TDRD12: variants seen among roughly 807,000 people sequenced by gnomAD.
TDRD12 encodes tudor domain containing 12.
In TDRD12, 158 loss-of-function variants were observed where a neutral mutation model predicts 133.5. The observed-to-expected ratio is 1.18, with a 90% CI of 1.04 to 1.35. The LOEUF (loss-of-function observed/expected upper bound fraction) is 1.35, where lower values mean the gene tolerates loss of function less well. Among genes scored for constraint, TDRD12 ranks in the 40% most tolerant of loss-of-function variants. TDRD12 has a pLI of 0.00. For missense variants in TDRD12, 1,443 were observed against 1,321.3 expected (o/e 1.09, Z -1.43); for synonymous variants, 460 against 477.9 (o/e 0.96, Z 0.49).
At chr19:32,811,947 G>A (rs537064626) in intron 24 of TDRD12, among the ~76,000 whole-genome samples, 35 of 152,344 alleles carry the variant, frequency 2.3e-4, no homozygotes, top group East Asian at 7.7e-4. Context: ...CACAATGGGC[G>A]GTCCCAGGAG....
intron 8 of TDRD12, among the ~76,000 whole-genome samples, chr19:32,768,217 A>G (rs192110259): frequency 2.0e-4 from 31 of 152,256 alleles, no homozygotes; most frequent in African/African-American, 6.7e-4. Flanking sequence ...CAAGGACTGA[A>G]TGATATTCCA....
At chr19:32,751,848 C>A (rs139197600) in intron 6 of TDRD12, among the ~76,000 whole-genome samples, 4 of 152,000 alleles carry the variant, frequency 2.6e-5, no homozygotes, top group Admixed American at 2.6e-4. Flanking sequence ...ACACCCAGCA[C>A]CTTCTGCATT....
chr19:32,803,089 TAAG>T, exon 21 of TDRD12: 1 of 1,535,612 alleles, frequency 6.5e-7, no homozygotes. Flanking sequence ...CCAAAGAAGA[TAAG>T]AAAGCCGGAA....
chr19:32,791,496 GT>G (rs1254692786), intron 13 of TDRD12, among the ~76,000 whole-genome samples: 2 of 152,170 alleles, frequency 1.3e-5, no homozygotes, highest in Non-Finnish European at 1.5e-5. Context: ...ATTAAAAAAA[GT>G]TAAAAAAAAA....
chr19:32,756,121 A>T, exon 7 of TDRD12: 1 of 1,473,122 alleles, frequency 6.8e-7, no homozygotes, highest in Non-Finnish European at 8.9e-7. Context: ...CAATAAACTC[A>T]ATCCAGCACT....
chr19:32,827,235 G>A, exon 10 of TDRD12: 1 of 1,232,116 alleles, frequency 8.1e-7, no homozygotes, highest in South Asian at 4.1e-5. Context: ...TTCAGAGGAT[G>A]ACGACAGTGA....
chr19:32,780,186 C>T (rs1195645534), intron 11 of TDRD12, among the ~76,000 whole-genome samples: 2 of 150,432 alleles, frequency 1.3e-5, no homozygotes, highest in Non-Finnish European at 1.5e-5. Flanking sequence ...CGGGTTCAAG[C>T]GATTCTCCTG....
intron 23 of TDRD12, 136 bp from the exon 24 acceptor site, chr19:32,811,074 G>GTTTTTT: frequency 1.5e-6 from 1 of 670,648 alleles, no homozygotes. Context: ...GAAGGCCTTA[G>GTTTTTT]TTTTTTATTT....
intron 21 of TDRD12, among the ~76,000 whole-genome samples, chr19:32,804,753 G>A (rs568898923): frequency 2.0e-4 from 30 of 151,938 alleles, no homozygotes; most frequent in African/African-American, 7.2e-4. Flanking sequence ...TTACATAGGA[G>A]GCTGAGGCAG....
intron 9 of TDRD12, among the ~76,000 whole-genome samples, 174 bp from the exon 10 acceptor site, chr19:32,773,282 G>T (rs549881700): frequency 6.6e-6 from 1 of 152,154 alleles, no homozygotes; most frequent in South Asian, 2.1e-4. Flanking sequence ...TGGTTATAGC[G>T]CTGGCATAAT....
At chr19:32,796,633 A>G (rs1244691142) in intron 14 of TDRD12, among the ~76,000 whole-genome samples, 3 of 152,194 alleles carry the variant, frequency 2.0e-5, no homozygotes, top group Admixed American at 2.0e-4. Flanking sequence ...ATTTAGTCAA[A>G]TTAATGGATA....
chr19:32,722,707 T>G (rs1968725326), intron 1 of TDRD12, among the ~76,000 whole-genome samples: 1 of 149,902 alleles, frequency 6.7e-6, no homozygotes, highest in African/African-American at 2.5e-5. Flanking sequence ...TGAGACGGCG[T>G]CTCGCTCTGT....
At chr19:32,795,809 G>A (rs1045415975) in intron 14 of TDRD12, among the ~76,000 whole-genome samples, 3 of 152,174 alleles carry the variant, frequency 2.0e-5, no homozygotes, top group Admixed American at 6.5e-5. Flanking sequence ...CATTGCAGAA[G>A]TCTAAGGGGG....
intron 10 of TDRD12, among the ~76,000 whole-genome samples, chr19:32,776,353 G>A (rs1970584579): frequency 6.6e-6 from 1 of 152,176 alleles, no homozygotes; most frequent in South Asian, 2.1e-4. Flanking sequence ...TTTCTCTCAG[G>A]GTTTAAGGTC....
intron 11 of TDRD12, among the ~76,000 whole-genome samples, chr19:32,783,396 G>A (rs775861412): frequency 2.0e-5 from 3 of 152,112 alleles, no homozygotes; most frequent in African/African-American, 4.8e-5. Flanking sequence ...GTCAGGTAGC[G>A]TGATGCCTCC....
chr19:32,781,630 T>G (rs1394326532), intron 11 of TDRD12, among the ~76,000 whole-genome samples: 1 of 152,222 alleles, frequency 6.6e-6, no homozygotes, highest in East Asian at 1.9e-4. Context: ...TAGTTTCTAG[T>G]GTAGAGACGT....
intron 6 of TDRD12, among the ~76,000 whole-genome samples, chr19:32,751,415 A>G (rs894965471): frequency 1.3e-5 from 2 of 152,070 alleles, no homozygotes; most frequent in South Asian, 2.1e-4. Flanking sequence ...TTTCCTTCTG[A>G]AATTAATAAG....
intron 24 of TDRD12, among the ~76,000 whole-genome samples, chr19:32,812,991 G>A (rs865869276): frequency 2.6e-5 from 4 of 151,888 alleles, no homozygotes; most frequent in South Asian, 4.2e-4. Context: ...GGGCAATATT[G>A]TGAGACCCCC....
chr19:32,772,551 A>T (rs1021283869), intron 8 of TDRD12, among the ~76,000 whole-genome samples: 1 of 152,232 alleles, frequency 6.6e-6, no homozygotes, highest in African/African-American at 2.4e-5. Flanking sequence ...AGAACATTTT[A>T]ATTGTTTTTA....
Sources: gnomAD v4.1 joint callset for allele counts (sites outside exome capture counted in the v4.1 genomes callset) on GRCh38, gnomAD v4.1.1 for gene constraint, MANE v1.5 for transcripts, NCBI Gene and HGNC (gene_info 2026-07-23, HGNC 2026-07-21) for gene names.